PTPRN2: variants seen among roughly 807,000 people sequenced by gnomAD.
The protein encoded by PTPRN2 is receptor-type tyrosine-protein phosphatase N2.
A neutral mutation model predicts 118.8 loss-of-function variants in PTPRN2; 74 were observed. That is an observed-to-expected ratio of 0.62 (90% CI 0.52 to 0.76). The LOEUF is 0.76. Ranked by LOEUF, PTPRN2 falls within the 30% of genes least tolerant of loss-of-function variation. The pLI is 0.00. For missense variants in PTPRN2, 1,481 were observed against 1,394.4 expected, an observed-to-expected ratio of 1.06 and a Z score of -0.99; for synonymous variants, 641 against 608.0, an observed-to-expected ratio of 1.05 and a Z score of -0.80.
At chr7:158,262,436 TCA>T (rs1008017105) in intron 3 of PTPRN2, among the ~76,000 whole-genome samples, 29 of 126,170 alleles carry the variant, frequency 2.3e-4, no homozygotes, top group South Asian at 5.2e-4. Flanking sequence ...ATACACACAT[TCA>T]CACACACTGC....
chr7:158,318,631 A>AGCCCGCTCAGCCGCG (rs1802548405), intron 2 of PTPRN2, among the ~76,000 whole-genome samples: 1 of 152,238 alleles, frequency 6.6e-6, no homozygotes, highest in Non-Finnish European at 1.5e-5. Flanking sequence ...ACTCAGCCGC[A>AGCCCGCTCAGCCGCG]GAGCCCGCGA....
rs528645578 is a variant in PTPRN2, at chr7:158,130,901, A to T, written c.1556+2776T>A. Among the ~76,000 whole-genome samples the T allele has an allele frequency of 6.6e-3, 913 of 137,618 alleles. 12 individuals are homozygous for T. The highest frequency in any genetic ancestry group is 0.025 in the African/African-American group (872 of 34,240). 90.3% of individuals were successfully genotyped at this position (137,618 alleles called of 152,430 possible). A position where few individuals can be genotyped will look rare whatever the true frequency, so the allele number is the denominator to read the frequency against. Reference sequence around the variant, plus strand: ...TGCATATACGCACAAACCGATACACATCTACCGACACACACACTCATACAC... The same window carrying T: ...TGCATATACGCACAAACCGATACACTTCTACCGACACACACACTCATACAC... On this transcript the variant is annotated intron_variant, in intron 9 of 22. Transcript: ENST00000389418.
At chr7:157,884,978 T>G (rs1796368677) in intron 12 of PTPRN2, among the ~76,000 whole-genome samples, 1 of 152,178 alleles carries the variant, frequency 6.6e-6, no homozygotes, top group African/African-American at 2.4e-5. Flanking sequence ...TGGGTATGGC[T>G]CATGGATGCA....
intron 12 of PTPRN2, among the ~76,000 whole-genome samples, chr7:157,775,930 A>G (rs1027593744): frequency 6.6e-6 from 1 of 152,004 alleles, no homozygotes; most frequent in Non-Finnish European, 1.5e-5. Context: ...GTCAGTGAGG[A>G]GACCGCCGCA....
intron 9 of PTPRN2, among the ~76,000 whole-genome samples, chr7:158,130,882 T>C (rs575824231): frequency 1.2e-4 from 17 of 140,814 alleles, no homozygotes; most frequent in Admixed American, 3.5e-4. Context: ...CGCATGCATA[T>C]ACGCACAAAC....
chr7:158,114,956 G>C (rs1816611035), intron 9 of PTPRN2, among the ~76,000 whole-genome samples: 1 of 152,168 alleles, frequency 6.6e-6, no homozygotes, highest in South Asian at 2.1e-4. Context: ...CTACATGGGT[G>C]CTCCTCACCC....
At chr7:158,414,501 A>G (rs533674480) in intron 2 of PTPRN2, among the ~76,000 whole-genome samples, 2 of 152,138 alleles carry the variant, frequency 1.3e-5, no homozygotes, top group African/African-American at 2.4e-5. Flanking sequence ...TGAGGAAGAG[A>G]GCTGCAAAGG....
chr7:158,272,963 G>A (rs1186770689), intron 3 of PTPRN2, among the ~76,000 whole-genome samples: 1 of 152,140 alleles, frequency 6.6e-6, no homozygotes, highest in African/African-American at 2.4e-5. Flanking sequence ...TGGGACTCTC[G>A]TTTCACTCAT....
intron 11 of PTPRN2, among the ~76,000 whole-genome samples, chr7:158,012,409 A>C (rs1806116137): frequency 1.3e-5 from 2 of 152,248 alleles, no homozygotes; most frequent in Non-Finnish European, 2.9e-5. Flanking sequence ...TTAGTAAGCC[A>C]CAGAAGAACA....
intron 12 of PTPRN2, among the ~76,000 whole-genome samples, chr7:157,777,518 A>G (rs565047632): frequency 6.6e-6 from 1 of 152,218 alleles, no homozygotes; most frequent in East Asian, 1.9e-4. Flanking sequence ...AGTGCCCCAC[A>G]CTGCTAAGCT....
intron 11 of PTPRN2, among the ~76,000 whole-genome samples, chr7:158,067,451 C>G (rs1810857856): frequency 6.6e-6 from 1 of 152,202 alleles, no homozygotes; most frequent in Non-Finnish European, 1.5e-5. Context: ...GGGCTGCTCC[C>G]AATGGCTTGC....
At chr7:157,739,589 G>A (rs1261166587) in intron 12 of PTPRN2, 1 of 152,264 alleles carries the variant, frequency 6.6e-6, no homozygotes, top group East Asian at 1.9e-4. Context: ...TGACACCTGT[G>A]CCTTCAGCTG....
intron 3 of PTPRN2, among the ~76,000 whole-genome samples, chr7:158,304,274 C>T (rs533297181): frequency 4.0e-5 from 6 of 148,542 alleles, no homozygotes; most frequent in Admixed American, 2.0e-4. Context: ...CCCGTCAATA[C>T]ACTAAGATGT....
intron 1 of PTPRN2, among the ~76,000 whole-genome samples, chr7:158,542,599 C>T (rs1218161861): frequency 6.6e-6 from 1 of 152,186 alleles, no homozygotes; most frequent in Non-Finnish European, 1.5e-5. Context: ...GCTGCAGCAG[C>T]GTCCATCCCT....
intron 2 of PTPRN2, among the ~76,000 whole-genome samples, chr7:158,346,705 T>C (rs1282683321): frequency 2.0e-5 from 3 of 152,228 alleles, no homozygotes; most frequent in African/African-American, 7.2e-5. Context: ...CCATAATGAC[T>C]GTACCGATTT....
intron 12 of PTPRN2, among the ~76,000 whole-genome samples, chr7:157,778,761 G>C (rs1011646644): frequency 6.6e-6 from 1 of 151,924 alleles, no homozygotes; most frequent in South Asian, 2.1e-4. Context: ...ACATGTCCAC[G>C]TGAATACGGG....
intron 12 of PTPRN2, among the ~76,000 whole-genome samples, chr7:157,800,271 C>T (rs532399835): frequency 1.1e-4 from 17 of 152,350 alleles, no homozygotes; most frequent in South Asian, 1.0e-3. Context: ...CTCGTCCTAA[C>T]GCTCAGAGGC....
At chr7:157,661,321 A>G (rs1321834438) in intron 13 of PTPRN2, among the ~76,000 whole-genome samples, 1 of 152,298 alleles carries the variant, frequency 6.6e-6, no homozygotes, top group Non-Finnish European at 1.5e-5. Context: ...AGCTTGGCGC[A>G]GAATGCTGGA....
At chr7:157,666,099 G>A (rs902242922) in intron 13 of PTPRN2, among the ~76,000 whole-genome samples, 23 of 151,484 alleles carry the variant, frequency 1.5e-4, no homozygotes, top group African/African-American at 3.6e-4. Context: ...AAACCTGCAC[G>A]TTGTGCACAT....
Sources: gnomAD v4.1 joint callset for allele counts (sites outside exome capture counted in the v4.1 genomes callset) on GRCh38, gnomAD v4.1.1 for gene constraint, MANE v1.5 for transcripts, NCBI Gene and HGNC (gene_info 2026-07-23, HGNC 2026-07-21) for gene names.